Variants in PLEKHA6 observed in about 807,000 individuals in gnomAD.
PLEKHA6 encodes pleckstrin homology domain containing A6, also known as pleckstrin homology domain-containing family A member 6.
PLEKHA6 carries 60 observed loss-of-function variants against 116.7 expected under a neutral mutation model. The ratio of observed to expected loss-of-function variants is 0.51; its 90% CI spans 0.42 to 0.64. The LOEUF (loss-of-function observed/expected upper bound fraction) is 0.64. Ranked by LOEUF, PLEKHA6 falls within the 30% of genes least tolerant of loss-of-function variation. The probability of loss-of-function intolerance (pLI) is 0.00; values close to 1 mark genes in which losing one functional copy is unlikely to be tolerated. For synonymous variants in PLEKHA6, 489 were observed against 556.1 expected, an observed-to-expected ratio of 0.88 and a Z score of 1.70; for missense variants, 1,338 against 1,422.7, an observed-to-expected ratio of 0.94 and a Z score of 0.96.
intron 1 of PLEKHA6, among the ~76,000 whole-genome samples, chr1:204,324,427 G>A (rs548168602): frequency 6.6e-6 from 1 of 152,270 alleles, no homozygotes; most frequent in Non-Finnish European, 1.5e-5. Context: ...GGATACGAAG[G>A]GCAGGGCTGG....
At chr1:204,338,164 G>A (rs1234004423) in intron 1 of PLEKHA6, among the ~76,000 whole-genome samples, 1 of 152,176 alleles carries the variant, frequency 6.6e-6, no homozygotes, top group Non-Finnish European at 1.5e-5. Flanking sequence ...ACCCAACTAT[G>A]TCACTGTGCA....
chr1:204,314,202 A>G (rs904995970), intron 1 of PLEKHA6, among the ~76,000 whole-genome samples: 5 of 152,164 alleles, frequency 3.3e-5, no homozygotes, highest in Non-Finnish European at 5.9e-5. Flanking sequence ...CAGATTGATA[A>G]TAAGATGGCA....
chr1:204,223,462 G>T lies in PLEKHA6; in HGVS notation c.*8C>A. ...TGAAATACAGTAGAAAAGTGCTTAC[G>T]TCAGAGCTCAGACCCGCATGGTATA... On this transcript the variant is annotated splice_region_variant and 3_prime_UTR_variant, in exon 22 of 23. Transcript: ENST00000272203. The surrounding 1 kb of genome is among the most constrained non-coding windows in gnomAD (Gnocchi z 4.8). The T allele has an allele frequency of 6.7e-7, 1 of 1,497,280 alleles. No individual in the cohort carries two copies. Among genetic ancestry groups the T allele is most frequent in the Non-Finnish European group, 9.1e-7 (1 of 1,097,260 alleles). 92.7% of individuals were successfully genotyped at this position (1,497,280 alleles called of 1,614,324 possible).
At chr1:204,250,511 G>A (rs567795576) in intron 10 of PLEKHA6, 35 bp downstream of exon 10, 38 of 1,478,616 alleles carry the variant, frequency 2.6e-5, no homozygotes, top group Admixed American at 1.2e-4. Context: ...CAGGAGGCTG[G>A]AGTGGAGGGA....
intron 17 of PLEKHA6, among the ~76,000 whole-genome samples, chr1:204,230,831 A>G (rs1455273873): frequency 6.6e-6 from 1 of 152,240 alleles, no homozygotes; most frequent in Admixed American, 6.5e-5. Context: ...AAGAGACAGA[A>G]AAGAAGATGA....
chr1:204,235,478 A>T (rs1263973806), intron 17 of PLEKHA6, among the ~76,000 whole-genome samples: 1 of 152,244 alleles, frequency 6.6e-6, no homozygotes, highest in Non-Finnish European at 1.5e-5. Context: ...AGCCTCAAGT[A>T]TGCTAAGACT....
chr1:204,241,577 A>T (rs868647042), intron 16 of PLEKHA6, 96 bp from the exon 17 acceptor site: 7 of 1,431,394 alleles, frequency 4.9e-6, no homozygotes, highest in Middle Eastern at 1.8e-4. Flanking sequence ...CTCCACCGAG[A>T]TTAAAAAGCC....
intron 17 of PLEKHA6, among the ~76,000 whole-genome samples, chr1:204,231,067 C>CTG (rs1410930118): frequency 6.6e-6 from 1 of 152,164 alleles, no homozygotes; most frequent in East Asian, 1.9e-4. Context: ...TTAAGCCACC[C>CTG]TGTGTGTGGT....
intron 2 of PLEKHA6, among the ~76,000 whole-genome samples, chr1:204,371,007 T>C (rs1673762725): frequency 6.7e-6 from 1 of 149,448 alleles, no homozygotes; most frequent in Non-Finnish European, 1.5e-5. Context: ...TGAGCCGAGA[T>C]TGTGCCACTG....
chr1:204,304,578 T>G (rs1671111197), intron 1 of PLEKHA6, among the ~76,000 whole-genome samples: 1 of 152,210 alleles, frequency 6.6e-6, no homozygotes, highest in African/African-American at 2.4e-5. Flanking sequence ...TAGTAAATAT[T>G]TCAGCACATC....
chr1:204,290,544 G>C (rs1237674454), intron 1 of PLEKHA6, among the ~76,000 whole-genome samples: 1 of 152,088 alleles, frequency 6.6e-6, no homozygotes, highest in Non-Finnish European at 1.5e-5. Flanking sequence ...ATAAATGAAA[G>C]AGCTAAAACT....
chr1:204,317,050 C>T (rs1558177696), intron 1 of PLEKHA6: 1 of 162,484 alleles, frequency 6.2e-6, no homozygotes, highest in Non-Finnish European at 1.3e-5. Flanking sequence ...CCAGCCTGGA[C>T]CAAATCACTG....
intron 4 of PLEKHA6, 121 bp from the exon 5 acceptor site, chr1:204,267,668 G>A: frequency 1.3e-6 from 1 of 797,564 alleles, no homozygotes; most frequent in Non-Finnish European, 2.2e-6. Context: ...CTGCGGCTCT[G>A]CTGTTAATGC....
chr1:204,239,948 G>A (rs932060566), intron 17 of PLEKHA6, among the ~76,000 whole-genome samples: 12 of 152,098 alleles, frequency 7.9e-5, no homozygotes, highest in East Asian at 1.9e-4. Context: ...GCTGGCCTAC[G>A]GGTCTTCGTT....
intron 1 of PLEKHA6, among the ~76,000 whole-genome samples, chr1:204,311,031 C>A (rs912217782): frequency 1.7e-4 from 26 of 152,142 alleles, no homozygotes; most frequent in African/African-American, 6.0e-4. Context: ...GAATGAGAGC[C>A]TCCCACATTT....
At chr1:204,320,436 G>C in intron 1 of PLEKHA6, 1 of 946,248 alleles carries the variant, frequency 1.1e-6, no homozygotes, top group African/African-American at 1.8e-5. Flanking sequence ...CTCCCCAGGA[G>C]ACTGTGGGTG....
At chr1:204,242,019 G>A (rs1287945467) in intron 15 of PLEKHA6, among the ~76,000 whole-genome samples, 1 of 152,192 alleles carries the variant, frequency 6.6e-6, no homozygotes, top group Non-Finnish European at 1.5e-5. Flanking sequence ...GTCAATGATG[G>A]GCCATCTTGA....
At position 204,223,418 on chromosome 1, in the gene PLEKHA6, G is replaced by T. The variant is rs1659891365; in HGVS notation, c.*8+44C>A. On this transcript the variant is annotated intron_variant, in intron 22 of 22. Transcript: ENST00000272203. The surrounding 1 kb of genome is among the most constrained non-coding windows in gnomAD (Gnocchi z 4.8). ...TGGCTCAATGGGGGTGAAGGAAGGG[G>T]CCCCACTCCCGAGGTGGATGAAATA... 9.2e-7 allele frequency: 1 copy of T among 1,082,350 alleles called. No homozygotes were observed. 67.0% of individuals were successfully genotyped at this position (1,082,350 alleles called of 1,614,324 possible). A position where few individuals can be genotyped will look rare whatever the true frequency, so the allele number is the denominator to read the frequency against.
At chr1:204,333,232 T>C (rs1238932484) in intron 1 of PLEKHA6, among the ~76,000 whole-genome samples, 1 of 152,220 alleles carries the variant, frequency 6.6e-6, no homozygotes, top group East Asian at 1.9e-4. Flanking sequence ...GATCTGGCCC[T>C]GGCATTTGTG....
Sources: gnomAD v4.1 joint callset for allele counts (sites outside exome capture counted in the v4.1 genomes callset) on GRCh38, gnomAD v4.1.1 for gene constraint, Gnocchi (gnomAD v3.1) non-coding constraint, MANE v1.5 for transcripts, NCBI Gene and HGNC (gene_info 2026-07-23, HGNC 2026-07-21) for gene names.